Variants in SLC15A4 observed in about 807,000 individuals in gnomAD.
SLC15A4 encodes the protein solute carrier family 15 member 4.
In SLC15A4, 26 loss-of-function variants were observed where a neutral mutation model predicts 46.1. The observed-to-expected ratio is 0.56, with a 90% CI of 0.41 to 0.78. The LOEUF is 0.78. SLC15A4 is among the 30% of genes least tolerant of loss of function. The probability of loss-of-function intolerance (pLI) is 0.00; values close to 1 mark genes in which losing one functional copy is unlikely to be tolerated. For synonymous variants in SLC15A4, 370 were observed against 333.4 expected (o/e 1.11, Z -1.20); for missense variants, 751 against 755.7 (o/e 0.99, Z 0.07).
rs915570902 is a variant in SLC15A4 at position 128,810,416 on chromosome 12, G to A, written c.843-305C>T. On this transcript the variant is annotated intron_variant, in intron 2 of 7. Transcript: ENST00000266771. ...CCACGGCTGAGCTGAGAGCCCCAGC[G>A]CAGCTGCCAGCTCGGCAATCTCCGT... is the stretch of plus-strand genomic sequence containing the variant. The A allele has an allele frequency of 3.7e-5, 12 of 327,186 alleles. 1 individual carries two copies. The East Asian group carries it at 3.7e-4, about 10-fold the overall frequency. 20.3% of individuals were successfully genotyped at this position (327,186 alleles called of 1,614,324 possible). A position where few individuals can be genotyped will look rare whatever the true frequency, so the allele number is the denominator to read the frequency against.
At chr12:128,796,135 C>T (rs1248219260) in intron 7 of SLC15A4, among the ~76,000 whole-genome samples, 1 of 152,120 alleles carries the variant, frequency 6.6e-6, no homozygotes, top group African/African-American at 2.4e-5. Flanking sequence ...CAATATAATA[C>T]ACGTCTGGGC....
At chr12:128,805,780 C>A (rs1382715582) in intron 5 of SLC15A4, among the ~76,000 whole-genome samples, 4 of 152,112 alleles carry the variant, frequency 2.6e-5, no homozygotes, top group Non-Finnish European at 5.9e-5. Flanking sequence ...GATCTACTCG[C>A]CTTGGTCTCC....
chr12:128,793,736 T>TAAAA lies in SLC15A4; in HGVS notation c.*456_*459dup, dbSNP rs3835138. The TAAAA allele has an allele frequency of 6.7e-6, 1 of 148,266 alleles. No individual in the cohort carries two copies. Among genetic ancestry groups the TAAAA allele is most frequent in the African/African-American group, 2.5e-5 (1 of 40,052 alleles). The allele number at this position is 148,266 out of a possible 1,614,324, so 9.2% of individuals were successfully genotyped here. On this transcript the variant is annotated 3_prime_UTR_variant, in exon 8 of 8. Coordinates refer to ENST00000266771, the MANE Select transcript of SLC15A4 (RefSeq NM_145648.4). The stretch of plus-strand genomic sequence containing the variant: ...CAGCATCTGACCATGCTTTTATCTT[T>TAAAA]AAAAAAAAAAAAATCCTCACTTTCT...
At chr12:128,821,424 T>A (rs952822012) in intron 1 of SLC15A4, among the ~76,000 whole-genome samples, 24 of 152,244 alleles carry the variant, frequency 1.6e-4, no homozygotes, top group African/African-American at 5.8e-4. Context: ...CTCGTCTCCA[T>A]CACAGTTACT....
At chr12:128,809,716 G>A in intron 3 of SLC15A4, 1 of 541,406 alleles carries the variant, frequency 1.8e-6, no homozygotes, top group South Asian at 2.9e-5. Flanking sequence ...AGAGGGGCCT[G>A]AAAAACCAGA....
Position 128,823,588 on chromosome 12 carries a change from G to C in SLC15A4, c.356C>G (p.Ala119Gly). Residue 119 changes from alanine (A) to glycine (G), a missense_variant, in exon 1 of 8, where the codon GCC becomes GGC. Coordinates refer to ENST00000266771, the MANE Select transcript of SLC15A4 (RefSeq NM_145648.4). The part of the protein sequence containing the change: ...SLALYLLGML[A>G]FPLLAAPATR... The stretch of plus-strand genomic sequence containing the variant: ...GGCGGGCGCGGCCAGCAGCGGGAAG[G>C]CCAGCATGCCCAGCAGGTAGAGCGC... The C allele has an allele frequency of 3.4e-6, 5 of 1,452,786 alleles. No homozygotes were observed. The highest frequency in any genetic ancestry group is 4.5e-6 in the Non-Finnish European group (5 of 1,109,600). The allele number at this position is 1,452,786 out of a possible 1,614,324, so 90.0% of individuals were successfully genotyped here. A position where few individuals can be genotyped will look rare whatever the true frequency, so the allele number is the denominator to read the frequency against.
intron 7 of SLC15A4, among the ~76,000 whole-genome samples, chr12:128,796,429 C>CAAAAAAAAAAAAAAAAAAAAAAAAAAA (rs57014966): frequency 2.9e-5 from 1 of 33,918 alleles, no homozygotes; most frequent in Non-Finnish European, 5.3e-5. Flanking sequence ...AACTCCATCT[C>CAAAAAAAAAAAAAAAAAAAAAAAAAAA]AAAAAAAAAA....
chr12:128,805,723 G>A (rs1350841143), intron 5 of SLC15A4, among the ~76,000 whole-genome samples: 1 of 152,034 alleles, frequency 6.6e-6, no homozygotes, highest in Non-Finnish European at 1.5e-5. Flanking sequence ...GTAGAGATGG[G>A]GTTTCACCAT....
At chr12:128,799,208 C>G in intron 7 of SLC15A4, 51 bp downstream of exon 7, 1 of 1,602,068 alleles carries the variant, frequency 6.2e-7, no homozygotes, top group Non-Finnish European at 8.5e-7. Flanking sequence ...TGAGTGCCTG[C>G]GCCTCCCCCT....
chr12:128,804,424 G>T (rs1323667234), intron 5 of SLC15A4, among the ~76,000 whole-genome samples: 1 of 152,190 alleles, frequency 6.6e-6, no homozygotes, highest in Non-Finnish European at 1.5e-5. Context: ...TTATTAAATA[G>T]AATAGAATAA....
intron 3 of SLC15A4, 66 bp downstream of exon 3, chr12:128,809,877 A>G (rs1192092197): frequency 1.3e-6 from 2 of 1,509,564 alleles, no homozygotes; most frequent in Admixed American, 2.1e-5. Context: ...GAAATGGCCA[A>G]AACAAGTGCT....
chr12:128,817,796 T>A (rs1007645139), intron 1 of SLC15A4, among the ~76,000 whole-genome samples: 1 of 152,136 alleles, frequency 6.6e-6, no homozygotes, highest in African/African-American at 2.4e-5. Context: ...ACAGCAGGCA[T>A]TTCTGTACCA....
chr12:128,815,120 G>A, intron 1 of SLC15A4, 50 bp from the exon 2 acceptor site: 1 of 1,545,238 alleles, frequency 6.5e-7, no homozygotes. Flanking sequence ...CAGTCTTCAA[G>A]GATGAAAACC....
In SLC15A4 at chr12:128,809,390, TC is replaced by T; in HGVS notation, c.1089+5del. On this transcript the variant is annotated splice_donor_5th_base_variant and intron_variant, in intron 4 of 7. Transcript: ENST00000266771. The stretch of plus-strand genomic sequence containing the variant: ...ACAATGTTCAGATCATTACAATTGT[TC>T]TTACCGTGTGAGGAGTGGTTGTAAT... 1 of 1,570,384 alleles carries T rather than the reference TC, an allele frequency of 6.4e-7. No individual in the cohort carries two copies. Among genetic ancestry groups the T allele is most frequent in the South Asian group, 1.1e-5 (1 of 88,604 alleles).
At chr12:128,814,560 A>G (rs1235337319) in intron 2 of SLC15A4, 2 of 543,044 alleles carry the variant, frequency 3.7e-6, no homozygotes, top group Admixed American at 6.4e-5. Flanking sequence ...TTAAAGCATG[A>G]GCTCTGGAAT....
Position 128,808,956 on chromosome 12 carries a change from G to C in SLC15A4, c.1090C>G (p.Leu364Val). 1 of 1,612,552 alleles carries C rather than the reference G, an allele frequency of 6.2e-7. No homozygotes were observed. Among genetic ancestry groups the C allele is most frequent in the Non-Finnish European group, 8.5e-7 (1 of 1,179,044 alleles). ...AACATGGTCAGCCAGGCTGCAGGGA[G>C]CTGGGGTGAAACACAGGAGGAGGCG... Reference protein sequence around the residue: ...ISNITTTPHTLPAAWLTMFDA... With the variant: ...ISNITTTPHTVPAAWLTMFDA... Residue 364 changes from leucine (L) to valine (V), a missense_variant and splice_region_variant, in exon 5 of 8, where the codon CTC becomes GTC. Coordinates refer to ENST00000266771, the MANE Select transcript of SLC15A4 (RefSeq NM_145648.4).
chr12:128,821,507 C>G (rs1187481344), intron 1 of SLC15A4, among the ~76,000 whole-genome samples: 1 of 152,210 alleles, frequency 6.6e-6, no homozygotes, highest in Non-Finnish European at 1.5e-5. Context: ...GGGCTATGTT[C>G]CAATAACGCT....
chr12:128,821,353 C>A (rs781088615), intron 1 of SLC15A4, among the ~76,000 whole-genome samples: 18 of 152,326 alleles, frequency 1.2e-4, no homozygotes, highest in Non-Finnish European at 2.2e-4. Flanking sequence ...CCATTCTCTA[C>A]AAGCATCCGC....
At chr12:128,808,174 C>T (rs976385355) in intron 5 of SLC15A4, among the ~76,000 whole-genome samples, 1 of 152,182 alleles carries the variant, frequency 6.6e-6, no homozygotes, top group Non-Finnish European at 1.5e-5. Flanking sequence ...CAACTCATTT[C>T]AGCACATAAA....
Sources: allele counts gnomAD v4.1 joint callset (sites outside exome capture counted in the v4.1 genomes callset), GRCh38; gene constraint gnomAD v4.1.1; transcripts MANE v1.5; gene names NCBI Gene and HGNC (gene_info 2026-07-23, HGNC 2026-07-21).